Variants in RBM46 observed in about 807,000 individuals in gnomAD.
RBM46 encodes RNA binding motif protein 46.
A neutral mutation model predicts 43.3 loss-of-function variants in RBM46; 12 were observed. The ratio of observed to expected loss-of-function variants is 0.28; its 90% confidence interval spans 0.18 to 0.45. RBM46 has a LOEUF of 0.45. RBM46 is among the 20% of genes least tolerant of loss of function. The pLI is 1.00. For synonymous variants in RBM46, 205 were observed against 207.6 expected, an observed-to-expected ratio of 0.99 and a Z score of 0.11; for missense variants, 412 against 639.1, an observed-to-expected ratio of 0.64 and a Z score of 3.83.
intron 4 of RBM46, among the ~76,000 whole-genome samples, chr4:154,812,886 T>C (rs992649013): frequency 6.6e-6 from 1 of 152,216 alleles, no homozygotes; most frequent in Non-Finnish European, 1.5e-5. Flanking sequence ...CTTATCCTTA[T>C]ATACTTTTAT....
chr4:154,821,684 T>C (rs1735729792), intron 4 of RBM46, among the ~76,000 whole-genome samples: 1 of 151,878 alleles, frequency 6.6e-6, no homozygotes, highest in Non-Finnish European at 1.5e-5. Context: ...GCCTTGCCTG[T>C]GAAGGCATTT....
intron 4 of RBM46, among the ~76,000 whole-genome samples, chr4:154,804,315 T>A (rs1734799486): frequency 6.6e-6 from 1 of 152,242 alleles, no homozygotes; most frequent in South Asian, 2.1e-4. Context: ...TCAGTATCAC[T>A]TATTTTTAAG....
chr4:154,800,491 A>C (rs754552362), intron 4 of RBM46, among the ~76,000 whole-genome samples: 69 of 152,372 alleles, frequency 4.5e-4, no homozygotes, highest in Non-Finnish European at 8.1e-4. Flanking sequence ...TAATTATGAA[A>C]GGCTTTGCAA....
chr4:154,819,819 A>T (rs1250883546), intron 4 of RBM46, among the ~76,000 whole-genome samples: 1 of 152,160 alleles, frequency 6.6e-6, no homozygotes, highest in Non-Finnish European at 1.5e-5. Flanking sequence ...ATGGATGCCC[A>T]CAGTTGTACT....
chr4:154,783,394 TAGG>T (rs2111076005), intron 1 of RBM46, among the ~76,000 whole-genome samples: 1 of 152,330 alleles, frequency 6.6e-6, no homozygotes, highest in South Asian at 2.1e-4. Flanking sequence ...ATTTTATTGT[TAGG>T]AGAAGGAAGA....
intron 1 of RBM46, among the ~76,000 whole-genome samples, chr4:154,795,330 T>C (rs1352476395): frequency 6.6e-6 from 1 of 152,228 alleles, no homozygotes; most frequent in East Asian, 1.9e-4. Flanking sequence ...AACCTGAGTC[T>C]GCACTTTATA....
At chr4:154,826,842 GACA>G in intron 4 of RBM46, 2 of 1,506,640 alleles carry the variant, frequency 1.3e-6, no homozygotes, top group South Asian at 2.6e-5. Context: ...TAAGTCCCAT[GACA>G]ACATTAAGTT....
intron 1 of RBM46, among the ~76,000 whole-genome samples, chr4:154,791,390 C>T (rs1734084355): frequency 6.6e-6 from 1 of 152,134 alleles, no homozygotes; most frequent in African/African-American, 2.4e-5. Context: ...GGTGCCGTGA[C>T]TCACGCCTGT....
At position 154,799,210 on chromosome 4, in the gene RBM46, C is replaced by A; in HGVS notation, c.1048C>A (p.Leu350Ile). 2 of 1,614,190 alleles carry A rather than the reference C, an allele frequency of 1.2e-6. No homozygotes were observed. Among genetic ancestry groups the A allele is most frequent in the East Asian group, 2.2e-5 (1 of 44,882 alleles). ...AAAAACTCTAGGCAAGCTGCCAACT[C>A]TTCCTGCTCGTCTCAATGGTCAGCA... Reference protein sequence around the residue: ...HPKTLGKLPTLPARLNGQHSP... With the variant: ...HPKTLGKLPTIPARLNGQHSP... The change falls in exon 4 of 5, where the codon CTT (leucine) becomes ATT (isoleucine). Residue 350 changes from leucine (L) to isoleucine (I), a missense_variant. Physicochemically the swap from Leu to Ile is conservative, Grantham distance 5 (BLOSUM62 2). Coordinates refer to ENST00000281722, the MANE Select transcript of RBM46 (RefSeq NM_144979.5).
At chr4:154,795,779 G>C (rs1734322809) in intron 1 of RBM46, among the ~76,000 whole-genome samples, 1 of 152,120 alleles carries the variant, frequency 6.6e-6, no homozygotes, top group Non-Finnish European at 1.5e-5. Context: ...AGTTGGAACA[G>C]CATTTAGGAA....
chr4:154,800,050 C>T (rs1437536470), intron 4 of RBM46, among the ~76,000 whole-genome samples: 1 of 152,088 alleles, frequency 6.6e-6, no homozygotes, highest in Admixed American at 6.5e-5. Flanking sequence ...GGATTACAGG[C>T]GTGAGCCACC....
intron 4 of RBM46, among the ~76,000 whole-genome samples, chr4:154,811,669 C>CTGTGTGTGTGTG (rs70947182): frequency 0.011 from 1,471 of 130,808 alleles, 14 homozygotes; most frequent in South Asian, 0.045. Flanking sequence ...GTGTGTGTGT[C>CTGTGTGTGTGTG]TGTGTGTGTG....
chr4:154,792,161 C>G (rs1173639766), intron 1 of RBM46, among the ~76,000 whole-genome samples: 1 of 152,102 alleles, frequency 6.6e-6, no homozygotes, highest in Non-Finnish European at 1.5e-5. Flanking sequence ...CCATATTTAC[C>G]TTATCAATTT....
At chr4:154,820,962 C>T (rs1395015988) in intron 4 of RBM46, among the ~76,000 whole-genome samples, 1 of 151,742 alleles carries the variant, frequency 6.6e-6, no homozygotes, top group Non-Finnish European at 1.5e-5. Context: ...ATGATGTTTT[C>T]TAGGATGTAA....
chr4:154,813,712 A>G (rs1299818903), intron 4 of RBM46, among the ~76,000 whole-genome samples: 6 of 152,034 alleles, frequency 3.9e-5, no homozygotes, highest in Admixed American at 1.3e-4. Context: ...TCTTCTACAC[A>G]GGTGTAGACT....
chr4:154,808,657 G>A (rs1276930478), intron 4 of RBM46, among the ~76,000 whole-genome samples: 1 of 151,872 alleles, frequency 6.6e-6, no homozygotes, highest in Non-Finnish European at 1.5e-5. Flanking sequence ...TGGATAATTT[G>A]GGGCACAGAA....
intron 4 of RBM46, among the ~76,000 whole-genome samples, chr4:154,805,384 G>A (rs981869900): frequency 6.6e-6 from 1 of 151,876 alleles, no homozygotes; most frequent in African/African-American, 2.4e-5. Context: ...ACTTATTTCA[G>A]TATTCATTTT....
intron 1 of RBM46, among the ~76,000 whole-genome samples, chr4:154,790,018 A>T (rs1257349370): frequency 6.6e-6 from 1 of 152,002 alleles, no homozygotes; most frequent in East Asian, 1.9e-4. Context: ...ATCGATGGTG[A>T]TATCCCCTTT....
At chr4:154,797,702 A>G (rs1319657574) in intron 2 of RBM46, 109 bp from the exon 3 acceptor site, 3 of 655,354 alleles carry the variant, frequency 4.6e-6, no homozygotes, top group Non-Finnish European at 7.5e-6. Flanking sequence ...CAATACCTAG[A>G]ATTGTGAGTG....
Sources: gnomAD v4.1 joint callset for allele counts (sites outside exome capture counted in the v4.1 genomes callset) on GRCh38, gnomAD v4.1.1 for gene constraint, MANE v1.5 for transcripts, NCBI Gene and HGNC (gene_info 2026-07-23, HGNC 2026-07-21) for gene names.